The following MEOX2 variants were observed in gnomAD, a reference collection of about 807,000 sequenced individuals.
MEOX2 encodes the protein homeobox protein MOX-2.
MEOX2 carries 11 observed loss-of-function variants against 27.0 expected under a neutral mutation model. That is an observed-to-expected ratio of 0.41 (90% confidence interval 0.26 to 0.68). The LOEUF (loss-of-function observed/expected upper bound fraction) is 0.68. Ranked by LOEUF, MEOX2 falls within the 30% of genes least tolerant of loss-of-function variation. The pLI is 0.33. For missense variants in MEOX2, 436 were observed against 385.4 expected (o/e 1.13, Z -1.10); for synonymous variants, 189 against 155.4 (o/e 1.22, Z -1.61).
At chr7:15,658,209 TG>T (rs1229816712) in intron 1 of MEOX2, among the ~76,000 whole-genome samples, 3 of 152,206 alleles carry the variant, frequency 2.0e-5, no homozygotes, top group Admixed American at 6.5e-5. Context: ...CAGTTGGCTC[TG>T]GGTCCTTATT....
chr7:15,668,873 C>G (rs575686083), intron 1 of MEOX2, among the ~76,000 whole-genome samples: 115 of 152,130 alleles, frequency 7.6e-4, no homozygotes, highest in Non-Finnish European at 1.4e-3. Context: ...AGGGTCAACT[C>G]TACTGCAGTT....
In MEOX2 at chr7:15,685,931, C is replaced by T. The variant is rs201879229; in HGVS notation, c.472G>A (p.Glu158Lys). ...TTGCCGCCGCTTCGCTTCTCCGCCT[C>T]CGCAGGTGACAGTGCCTGGCGGCCG... is the stretch of plus-strand genomic sequence containing the variant. ...DYGRQALSPAEAEKRSGGKRK... is the reference protein window; with the variant it reads ...DYGRQALSPAKAEKRSGGKRK... Residue 158 changes from glutamate (E) to lysine (K), a missense_variant, in exon 1 of 3, where the codon GAG becomes AAG. Glu to Lys is a moderately conservative substitution (Grantham distance 56). Coordinates refer to ENST00000262041, the MANE Select transcript of MEOX2 (RefSeq NM_005924.5). The T allele has an allele frequency of 2.3e-5, 37 of 1,611,014 alleles. No individual in the cohort carries two copies. The African/African-American group carries it at 3.6e-4, about 16-fold the overall frequency.
At chr7:15,659,820 T>C (rs191609059) in intron 1 of MEOX2, among the ~76,000 whole-genome samples, 1 of 151,740 alleles carries the variant, frequency 6.6e-6, no homozygotes, top group Admixed American at 6.6e-5. Flanking sequence ...AGCAGTTTTA[T>C]GCGATATAGA....
intron 1 of MEOX2, among the ~76,000 whole-genome samples, chr7:15,635,706 C>T (rs980770444): frequency 2.0e-5 from 3 of 149,822 alleles, no homozygotes; most frequent in Non-Finnish European, 4.5e-5. Flanking sequence ...TAAAATGGAC[C>T]TCAATCTAAA....
chr7:15,616,371 A>G (rs10275641), intron 2 of MEOX2, among the ~76,000 whole-genome samples: 101,827 of 151,360 alleles, frequency 0.67, 34,486 homozygotes, highest in East Asian at 0.81. Flanking sequence ...AAAATATTGG[A>G]GTGAATTAAA....
At chr7:15,641,071 T>G (rs1781552396) in intron 1 of MEOX2, among the ~76,000 whole-genome samples, 1 of 152,168 alleles carries the variant, frequency 6.6e-6, no homozygotes, top group African/African-American at 2.4e-5. Context: ...CCTTGATTTC[T>G]TGGAATAATT....
Position 15,612,253 on chromosome 7 carries a change from A to G in MEOX2, c.*134T>C. 1 of 734,958 alleles carries G rather than the reference A, an allele frequency of 1.4e-6. No homozygotes were observed. The highest frequency in any genetic ancestry group is 2.2e-6 in the Non-Finnish European group (1 of 445,728). 45.5% of individuals were successfully genotyped at this position (734,958 alleles called of 1,614,324 possible). A position where few individuals can be genotyped will look rare whatever the true frequency, so the allele number is the denominator to read the frequency against. ...GTAAACCCTCTATAAATCATGAAAA[A>G]CAGATTCGAAATGCCTGGATTTAAT... is the stretch of plus-strand genomic sequence containing the variant. On this transcript the variant is annotated 3_prime_UTR_variant, in exon 3 of 3. Coordinates refer to ENST00000262041, the MANE Select transcript of MEOX2 (RefSeq NM_005924.5).
At chr7:15,674,904 A>G (rs1277638469) in intron 1 of MEOX2, among the ~76,000 whole-genome samples, 1 of 152,180 alleles carries the variant, frequency 6.6e-6, no homozygotes, top group East Asian at 1.9e-4. Flanking sequence ...CTGTGCAAAA[A>G]GACTATATTA....
At chr7:15,619,569 A>C (rs1409989628) in intron 2 of MEOX2, among the ~76,000 whole-genome samples, 1 of 151,944 alleles carries the variant, frequency 6.6e-6, no homozygotes, top group Non-Finnish European at 1.5e-5. Flanking sequence ...TCTCTAAAAT[A>C]AAGGCTCATT....
At chr7:15,634,454 A>G (rs1051869320) in intron 1 of MEOX2, among the ~76,000 whole-genome samples, 3 of 151,988 alleles carry the variant, frequency 2.0e-5, no homozygotes, top group African/African-American at 7.2e-5. Context: ...AAGTTTTAGT[A>G]TGTTACAAAT....
At chr7:15,647,153 AT>A (rs1781664341) in intron 1 of MEOX2, among the ~76,000 whole-genome samples, 1 of 152,068 alleles carries the variant, frequency 6.6e-6, no homozygotes, top group African/African-American at 2.4e-5. Flanking sequence ...AGCTAAGTAC[AT>A]TTGTTTTTGA....
intron 1 of MEOX2, among the ~76,000 whole-genome samples, chr7:15,631,776 T>G (rs1781406772): frequency 6.6e-6 from 1 of 151,804 alleles, no homozygotes; most frequent in Non-Finnish European, 1.5e-5. Flanking sequence ...TTTGAGATGC[T>G]TTATAAAATC....
Position 15,686,232 on chromosome 7 carries a change from C to A in MEOX2, c.171G>T (p.Glu57Asp). 1.2e-6 allele frequency: 2 copies of A among 1,612,218 alleles called. No homozygotes were observed. Among genetic ancestry groups the A allele is most frequent in the Non-Finnish European group, 1.7e-6 (2 of 1,179,164 alleles). Reference protein sequence around the residue: ...SCIIAGYPNEEGMFASQHHRG... With the variant: ...SCIIAGYPNEDGMFASQHHRG... ...TGTGATGCTGGCTGGCAAACATGCC[C>A]TCTTCGTTGGGGTATCCCGCGATTA... The change falls in exon 1 of 3, where the codon GAG becomes GAT. Residue 57 changes from glutamate (E) to aspartate (D), a missense_variant. By Grantham distance (45) the Glu-to-Asp change is conservative. Coordinates refer to ENST00000262041, the MANE Select transcript of MEOX2 (RefSeq NM_005924.5).
intron 2 of MEOX2, among the ~76,000 whole-genome samples, chr7:15,621,400 T>C (rs1781221180): frequency 6.6e-6 from 1 of 152,198 alleles, no homozygotes; most frequent in Admixed American, 6.5e-5. Flanking sequence ...AATGAGCCTC[T>C]TTTTTTCCTT....
intron 1 of MEOX2, among the ~76,000 whole-genome samples, chr7:15,650,706 TG>T (rs149928037): frequency 2.0e-5 from 3 of 151,922 alleles, no homozygotes; most frequent in African/African-American, 7.3e-5. Flanking sequence ...TGAGTTTTTT[TG>T]GGGGGGAGAC....
At chr7:15,672,780 T>C (rs1333942813) in intron 1 of MEOX2, among the ~76,000 whole-genome samples, 1 of 151,632 alleles carries the variant, frequency 6.6e-6, no homozygotes, top group African/African-American at 2.4e-5. Flanking sequence ...TAGTCCCAGC[T>C]ACTTGGGAGG....
intron 1 of MEOX2, among the ~76,000 whole-genome samples, chr7:15,685,112 A>G (rs1325771113): frequency 1.3e-5 from 2 of 152,244 alleles, no homozygotes; most frequent in Non-Finnish European, 2.9e-5. Context: ...CTCTACTAAT[A>G]CCCACTTGGT....
rs1380269392 is a variant in MEOX2, at chr7:15,685,908, G to C, written c.495C>G (p.Gly165=). The C allele has an allele frequency of 6.2e-7, 1 of 1,605,790 alleles. No individual in the cohort carries two copies. Among genetic ancestry groups the C allele is most frequent in the Non-Finnish European group, 8.5e-7 (1 of 1,176,766 alleles). Reference sequence around the variant, plus strand: ...TACCTGAGCTGTCGCTTTTCCTCTTGCCGCCGCTTCGCTTCTCCGCCTCCG... The same window carrying C: ...TACCTGAGCTGTCGCTTTTCCTCTTCCCGCCGCTTCGCTTCTCCGCCTCCG... ...SPAEAEKRSG[G]KRKSDSSDSQ... The change falls in exon 1 of 3, where the codon GGC becomes GGG. Residue 165 remains glycine (G), a synonymous_variant. Transcript: ENST00000262041.
intron 1 of MEOX2, among the ~76,000 whole-genome samples, chr7:15,676,714 T>C (rs774166945): frequency 6.6e-6 from 1 of 151,754 alleles, no homozygotes; most frequent in Non-Finnish European, 1.5e-5. Context: ...CTACTAAAAA[T>C]ATAAAAATTA....
Sources: gnomAD v4.1 joint callset for allele counts (sites outside exome capture counted in the v4.1 genomes callset) on GRCh38, gnomAD v4.1.1 for gene constraint, MANE v1.5 for transcripts, NCBI Gene and HGNC (gene_info 2026-07-23, HGNC 2026-07-21) for gene names.